MYO3B: variants seen among roughly 807,000 people sequenced by gnomAD.
The protein encoded by MYO3B is myosin-IIIb.
MYO3B carries 156 observed loss-of-function variants against 174.6 expected under a neutral mutation model. That is an observed-to-expected ratio of 0.89 (90% CI 0.78 to 1.02). The LOEUF (loss-of-function observed/expected upper bound fraction) is 1.02, where lower values mean the gene tolerates loss of function less well. MYO3B is among the 50% of genes least tolerant of loss of function. The pLI, the probability that MYO3B is intolerant of heterozygous loss-of-function variation, is 0.00. For synonymous variants in MYO3B, 563 were observed against 569.1 expected (o/e 0.99, Z 0.15); for missense variants, 1,632 against 1,639.4 (o/e 1.00, Z 0.08).
chr2:170,333,249 A>G (rs1046952964), intron 7 of MYO3B, among the ~76,000 whole-genome samples: 1 of 152,188 alleles, frequency 6.6e-6, no homozygotes, highest in Non-Finnish European at 1.5e-5. Flanking sequence ...AAAACCTCAG[A>G]TAGCCACAGG....
chr2:170,363,591 G>C (rs954006028), intron 8 of MYO3B, among the ~76,000 whole-genome samples: 5 of 152,182 alleles, frequency 3.3e-5, no homozygotes, highest in African/African-American at 1.2e-4. Context: ...CTGGGAGATT[G>C]CTGCAAATGG....
At chr2:170,525,495 G>A (rs1407753794) in intron 30 of MYO3B, among the ~76,000 whole-genome samples, 1 of 152,192 alleles carries the variant, frequency 6.6e-6, no homozygotes, top group Non-Finnish European at 1.5e-5. Flanking sequence ...CTGTTTTTGT[G>A]TAAAAGGAAC....
At chr2:170,645,879 G>A (rs963879711) in intron 32 of MYO3B, among the ~76,000 whole-genome samples, 7 of 152,078 alleles carry the variant, frequency 4.6e-5, no homozygotes, top group African/African-American at 1.2e-4. Context: ...ATTTATCGCC[G>A]CTTTGTCAGT....
chr2:170,636,015 C>A (rs1250916855), intron 32 of MYO3B, among the ~76,000 whole-genome samples: 1 of 152,128 alleles, frequency 6.6e-6, no homozygotes, highest in Non-Finnish European at 1.5e-5. Flanking sequence ...CTAAGCAAAG[C>A]TGTCTGTTTT....
At chr2:170,220,074 C>T (rs1054872736) in intron 6 of MYO3B, among the ~76,000 whole-genome samples, 1 of 151,738 alleles carries the variant, frequency 6.6e-6, no homozygotes, top group East Asian at 2.0e-4. Context: ...CTGGCTAACA[C>T]AGTGAAACCC....
intron 22 of MYO3B, among the ~76,000 whole-genome samples, chr2:170,410,558 G>C (rs2094538941): frequency 1.4e-5 from 2 of 138,484 alleles, no homozygotes; most frequent in African/African-American, 5.5e-5. Flanking sequence ...TCCAGCCTGG[G>C]AACAGTGCAA....
At chr2:170,443,720 A>G (rs1001574242) in intron 22 of MYO3B, among the ~76,000 whole-genome samples, 1 of 151,590 alleles carries the variant, frequency 6.6e-6, no homozygotes, top group Non-Finnish European at 1.5e-5. Flanking sequence ...TAATAATTTT[A>G]TGTTCTTTTT....
chr2:170,524,165 T>TC (rs1161307268), intron 30 of MYO3B, among the ~76,000 whole-genome samples: 17 of 152,260 alleles, frequency 1.1e-4, no homozygotes, highest in Non-Finnish European at 1.5e-5. Context: ...CAGTTTTTTT[T>TC]CCCCCCACAT....
At chr2:170,220,545 C>T (rs1338778934) in intron 6 of MYO3B, among the ~76,000 whole-genome samples, 1 of 144,076 alleles carries the variant, frequency 6.9e-6, no homozygotes, top group Non-Finnish European at 1.5e-5. Context: ...AGGAGAGTGG[C>T]GTGAACCCGG....
At chr2:170,433,016 C>T (rs1359539843) in intron 22 of MYO3B, among the ~76,000 whole-genome samples, 1 of 152,196 alleles carries the variant, frequency 6.6e-6, no homozygotes, top group Non-Finnish European at 1.5e-5. Context: ...ACACATCACT[C>T]ACTCACTCAC....
chr2:170,438,086 C>T (rs188707988), intron 22 of MYO3B, among the ~76,000 whole-genome samples: 143 of 152,276 alleles, frequency 9.4e-4, no homozygotes, highest in Non-Finnish European at 1.7e-3. Context: ...ACTCCCACTT[C>T]CTCGTGTCCC....
At chr2:170,425,050 C>T (rs2094649835) in intron 22 of MYO3B, among the ~76,000 whole-genome samples, 1 of 152,278 alleles carries the variant, frequency 6.6e-6, no homozygotes, top group African/African-American at 2.4e-5. Flanking sequence ...AGTCATCCCA[C>T]TCTAAAATCT....
chr2:170,632,391 C>A (rs972765568), intron 32 of MYO3B, among the ~76,000 whole-genome samples: 4 of 151,994 alleles, frequency 2.6e-5, no homozygotes, highest in African/African-American at 7.2e-5. Flanking sequence ...GGGTACATAA[C>A]GAAATGAAGG....
At chr2:170,477,100 T>C (rs891911370) in intron 25 of MYO3B, among the ~76,000 whole-genome samples, 5 of 152,196 alleles carry the variant, frequency 3.3e-5, no homozygotes, top group African/African-American at 1.2e-4. Flanking sequence ...ATAACTGGTC[T>C]CAACTGACCA....
At chr2:170,342,092 G>C (rs1242380957) in intron 8 of MYO3B, 1 of 152,168 alleles carries the variant, frequency 6.6e-6, no homozygotes, top group East Asian at 1.9e-4. Context: ...ATAGTAACGT[G>C]GGTAATCTAG....
intron 7 of MYO3B, among the ~76,000 whole-genome samples, chr2:170,306,683 G>A (rs1053512234): frequency 1.3e-5 from 2 of 151,528 alleles, no homozygotes; most frequent in African/African-American, 2.4e-5. Context: ...CCATCCCCAC[G>A]TCAGACTAGA....
rs990390479 is a variant in MYO3B, at chr2:170,271,715, T to C, written c.749+35579T>C. On this transcript the variant is annotated intron_variant, in intron 7 of 34. Transcript: ENST00000408978. ...TATCAGTGCTACTTGTCTGGTCTTA[T>C]TAAGGAATTCTGAAAATTGCTAATT... is the stretch of plus-strand genomic sequence containing the variant. Among the ~76,000 whole-genome samples, 3 of 152,216 alleles carry C rather than the reference T, an allele frequency of 2.0e-5. 1 individual carries two copies. Among genetic ancestry groups the C allele is most frequent in the South Asian group, 4.1e-4 (2 of 4,828 alleles).
At chr2:170,217,486 T>A in intron 6 of MYO3B, 91 bp downstream of exon 6, 1 of 1,115,248 alleles carries the variant, frequency 9.0e-7, no homozygotes, top group Non-Finnish European at 1.4e-6. Flanking sequence ...TTTGCAGAAT[T>A]TTTAGGGAGA....
Position 170,624,473 on chromosome 2 carries a change from G to T in MYO3B, c.3734-27155G>T, listed in dbSNP as rs994328137. Among the ~76,000 whole-genome samples, 16 of 152,256 alleles carry T rather than the reference G, an allele frequency of 1.1e-4. No homozygotes were observed. The East Asian group carries it at 2.7e-3, about 26-fold the overall frequency. ...GCATAAGGAGATTTTGGGCTGAGAC[G>T]ATGGGACTTTCTAGATATACAATCA... On this transcript the variant is annotated intron_variant, in intron 32 of 34. Coordinates refer to ENST00000408978, the MANE Select transcript of MYO3B (RefSeq NM_138995.5).
Sources: gnomAD v4.1 joint callset for allele counts (sites outside exome capture counted in the v4.1 genomes callset) on GRCh38, gnomAD v4.1.1 for gene constraint, MANE v1.5 for transcripts, NCBI Gene and HGNC (gene_info 2026-07-23, HGNC 2026-07-21) for gene names.